GRIP1: variants seen among roughly 807,000 people sequenced by gnomAD.
The protein encoded by GRIP1 is glutamate receptor interacting protein 1, also known as glutamate receptor-interacting protein 1.
GRIP1 carries 45 observed loss-of-function variants against 129.9 expected under a neutral mutation model. The ratio of observed to expected loss-of-function variants is 0.35; its 90% confidence interval spans 0.27 to 0.44. The LOEUF (loss-of-function observed/expected upper bound fraction) is 0.44, where lower values mean the gene tolerates loss of function less well. Among genes scored for constraint, GRIP1 ranks in the 20% least tolerant of loss-of-function variants. GRIP1 has a pLI of 1.00. For missense variants in GRIP1, 1,196 were observed against 1,396.8 expected (o/e 0.86, Z 2.29); for synonymous variants, 530 against 520.8 (o/e 1.02, Z -0.24).
At position 66,348,560 on chromosome 12, in the gene GRIP1, C is replaced by A. The variant is rs2054081505; in HGVS notation, c.*459G>T. 5.4e-6 allele frequency: 1 copy of A among 184,278 alleles called. No homozygotes were observed. Among genetic ancestry groups the A allele is most frequent in the Non-Finnish European group, 1.1e-5 (1 of 87,028 alleles). 11.4% of individuals were successfully genotyped at this position (184,278 alleles called of 1,614,324 possible). ...CCCAGCAGTTTACCAAACACTAGTT[C>A]CCCTAGTAGAGCCAGCCTATGAGAA... On this transcript the variant is annotated 3_prime_UTR_variant, in exon 25 of 25. Transcript: ENST00000359742.
At chr12:66,727,069 AAAC>A (rs2036278529) in intron 1 of GRIP1, among the ~76,000 whole-genome samples, 1 of 152,210 alleles carries the variant, frequency 6.6e-6, no homozygotes, top group Non-Finnish European at 1.5e-5. Context: ...CAAATTTCTC[AAAC>A]AACATATACT....
At chr12:66,485,491 T>C (rs1462961236) in intron 7 of GRIP1, among the ~76,000 whole-genome samples, 1 of 151,830 alleles carries the variant, frequency 6.6e-6, no homozygotes, top group Non-Finnish European at 1.5e-5. Context: ...TGAGTCATTG[T>C]TGGATATGTG....
intron 1 of GRIP1, among the ~76,000 whole-genome samples, chr12:66,676,363 C>A (rs550408080): frequency 6.6e-6 from 1 of 152,202 alleles, no homozygotes; most frequent in African/African-American, 2.4e-5. Flanking sequence ...ATTGCAATTG[C>A]CATATTGCTT....
intron 15 of GRIP1, among the ~76,000 whole-genome samples, chr12:66,415,178 A>G (rs1049122825): frequency 2.6e-5 from 4 of 152,126 alleles, no homozygotes; most frequent in Non-Finnish European, 5.9e-5. Flanking sequence ...AAAAGAAACT[A>G]TCATCAGAGT....
At chr12:66,616,015 A>C (rs1375005907) in intron 1 of GRIP1, among the ~76,000 whole-genome samples, 1 of 152,188 alleles carries the variant, frequency 6.6e-6, no homozygotes, top group Non-Finnish European at 1.5e-5. Context: ...GGGACAATTA[A>C]ATGATACATA....
intron 9 of GRIP1, among the ~76,000 whole-genome samples, chr12:66,459,751 G>A (rs2059079141): frequency 6.6e-6 from 1 of 152,188 alleles, no homozygotes; most frequent in South Asian, 2.1e-4. Flanking sequence ...TGCAAAAGGT[G>A]TTGAACAAAT....
intron 2 of GRIP1, among the ~76,000 whole-genome samples, chr12:66,572,646 G>C (rs533567711): frequency 6.6e-6 from 1 of 152,276 alleles, no homozygotes; most frequent in Admixed American, 6.5e-5. Context: ...GTAATCTCAG[G>C]TGACCTTCAG....
chr12:66,518,105 A>G, intron 5 of GRIP1, 129 bp from the exon 6 acceptor site: 1 of 722,122 alleles, frequency 1.4e-6, no homozygotes, highest in Non-Finnish European at 2.5e-6. Flanking sequence ...ATTTTCCTTG[A>G]GGCATACAAA....
chr12:66,729,644 G>A (rs1008323154), intron 1 of GRIP1, among the ~76,000 whole-genome samples: 25 of 152,226 alleles, frequency 1.6e-4, no homozygotes, highest in Middle Eastern at 3.4e-3. Flanking sequence ...TGCGATCTCG[G>A]CTTACTTCAA....
At chr12:66,996,294 TTG>T (rs1222822104) in intron 1 of GRIP1, among the ~76,000 whole-genome samples, 3 of 152,030 alleles carry the variant, frequency 2.0e-5, no homozygotes, top group Non-Finnish European at 2.9e-5. Context: ...AATGACTGAA[TTG>T]TGTGTTACGT....
chr12:66,374,089 C>A (rs559996427), intron 22 of GRIP1, among the ~76,000 whole-genome samples: 10 of 152,148 alleles, frequency 6.6e-5, no homozygotes, highest in Non-Finnish European at 1.5e-4. Context: ...CAGATAAATA[C>A]CCTTTTTAAG....
chr12:66,737,855 G>A (rs1314953844), intron 1 of GRIP1, among the ~76,000 whole-genome samples: 1 of 152,170 alleles, frequency 6.6e-6, no homozygotes, highest in African/African-American at 2.4e-5. Context: ...TGAATTTGAA[G>A]TTCTAATTAA....
intron 1 of GRIP1, among the ~76,000 whole-genome samples, chr12:66,793,308 C>T (rs1035956796): frequency 2.0e-5 from 3 of 152,160 alleles, no homozygotes; most frequent in East Asian, 1.9e-4. Context: ...TCTTGTACTA[C>T]GTTGCTGAGG....
At chr12:66,755,353 G>C (rs1046845425) in intron 1 of GRIP1, among the ~76,000 whole-genome samples, 9 of 152,104 alleles carry the variant, frequency 5.9e-5, no homozygotes, top group African/African-American at 2.2e-4. Context: ...CAAAGAATGT[G>C]GCGAACTATT....
rs1036735657 is a variant in GRIP1 at position 66,852,496 on chromosome 12, A to G, written c.58+216554T>C. Among the ~76,000 whole-genome samples, 6 of 151,374 alleles carry G rather than the reference A, an allele frequency of 4.0e-5. No individual in the cohort carries two copies. In the South Asian group the frequency reaches 8.3e-4, roughly 21 times the overall value. On this transcript the variant is annotated intron_variant, in intron 1 of 1. Transcript: ENST00000643019. ...GATTAGACACACTAACAAAGTGTGTATATATACACACATATATATGTGTAT... is the reference window on the plus strand; with the variant it reads ...GATTAGACACACTAACAAAGTGTGTGTATATACACACATATATATGTGTAT...
intron 9 of GRIP1, among the ~76,000 whole-genome samples, chr12:66,462,720 T>C (rs1226550087): frequency 6.7e-6 from 1 of 148,334 alleles, no homozygotes; most frequent in Non-Finnish European, 1.5e-5. Flanking sequence ...GAGAATGGCT[T>C]GAACCCAGGA....
intron 1 of GRIP1, among the ~76,000 whole-genome samples, chr12:66,951,049 G>A (rs1277716653): frequency 1.3e-5 from 2 of 152,136 alleles, no homozygotes; most frequent in Non-Finnish European, 2.9e-5. Context: ...TTTAGGCAAT[G>A]GAAGGAAAAC....
chr12:66,978,087 G>A (rs1283098717), intron 1 of GRIP1, among the ~76,000 whole-genome samples: 1 of 151,750 alleles, frequency 6.6e-6, no homozygotes, highest in African/African-American at 2.4e-5. Flanking sequence ...CTTCCAAAGT[G>A]CTTGGATTAC....
chr12:66,944,560 A>G (rs2041636614), intron 1 of GRIP1, among the ~76,000 whole-genome samples: 1 of 152,092 alleles, frequency 6.6e-6, no homozygotes, highest in African/African-American at 2.4e-5. Flanking sequence ...TCTGAGGGAA[A>G]GAAGGCACTT....
Sources: gnomAD v4.1 joint callset for allele counts (sites outside exome capture counted in the v4.1 genomes callset) on GRCh38, gnomAD v4.1.1 for gene constraint, MANE v1.5 for transcripts, NCBI Gene and HGNC (gene_info 2026-07-23, HGNC 2026-07-21) for gene names.